ZNF365: variants seen among roughly 807,000 people sequenced by gnomAD.
ZNF365 encodes the protein zinc finger protein 365.
A neutral mutation model predicts 35.0 loss-of-function variants in ZNF365; 22 were observed. The observed-to-expected ratio is 0.63, with a 90% CI of 0.45 to 0.90. The LOEUF (loss-of-function observed/expected upper bound fraction) is 0.90, where lower values mean the gene tolerates loss of function less well. ZNF365 is among the 40% of genes least tolerant of loss of function. The probability of loss-of-function intolerance (pLI) is 0.00; values close to 1 mark genes in which losing one functional copy is unlikely to be tolerated. For missense variants in ZNF365, 448 were observed against 500.3 expected (o/e 0.90, Z 1.00); for synonymous variants, 188 against 196.2 (o/e 0.96, Z 0.35).
intron 4 of ZNF365, among the ~76,000 whole-genome samples, chr10:62,460,707 G>A (rs1450544327): frequency 2.6e-5 from 4 of 152,202 alleles, no homozygotes; most frequent in African/African-American, 9.7e-5. Context: ...TAATTCTGAT[G>A]TGGTGTTGGG....
intron 4 of ZNF365, among the ~76,000 whole-genome samples, chr10:62,463,532 G>A (rs1300048189): frequency 2.7e-4 from 41 of 152,240 alleles, no homozygotes. Context: ...TTTGGTACAT[G>A]ACAGGATGCA....
intron 4 of ZNF365, among the ~76,000 whole-genome samples, chr10:62,474,945 C>T (rs1467189832): frequency 6.6e-6 from 1 of 152,202 alleles, no homozygotes; most frequent in Non-Finnish European, 1.5e-5. Context: ...GTCTCAATTT[C>T]CAACCCTACT....
Position 62,400,298 on chromosome 10 carries a change from C to G in ZNF365, c.*509C>G. 2.0e-6 allele frequency: 2 copies of G among 986,770 alleles called. No individual in the cohort carries two copies. Among genetic ancestry groups the G allele is most frequent in the Non-Finnish European group, 2.4e-6 (2 of 830,520 alleles). 61.1% of individuals were successfully genotyped at this position (986,770 alleles called of 1,614,324 possible). The stretch of plus-strand genomic sequence containing the variant: ...TTTGAAAGCCTCCAAAATAAGGATT[C>G]CCATTCCCCGAGTATTCTGGTTAAT... On this transcript the variant is annotated 3_prime_UTR_variant, in exon 5 of 5. Transcript: ENST00000395254.
chr10:62,466,925 C>A (rs1840953649), intron 4 of ZNF365, among the ~76,000 whole-genome samples: 1 of 152,108 alleles, frequency 6.6e-6, no homozygotes, highest in South Asian at 2.1e-4. Flanking sequence ...TCTCAGCCCC[C>A]TGAGTATCTG....
intron 3 of ZNF365, among the ~76,000 whole-genome samples, chr10:62,424,089 A>G (rs896140827): frequency 6.6e-6 from 1 of 152,202 alleles, no homozygotes; most frequent in Non-Finnish European, 1.5e-5. Flanking sequence ...ATAACAGACT[A>G]TAGCAAATAT....
chr10:62,391,643 G>T (rs1299527780), intron 3 of ZNF365, among the ~76,000 whole-genome samples: 3 of 152,176 alleles, frequency 2.0e-5, no homozygotes, highest in East Asian at 3.8e-4. Flanking sequence ...TCCACTCGTT[G>T]ATTAATGGGC....
intron 3 of ZNF365, among the ~76,000 whole-genome samples, chr10:62,436,042 T>C (rs1377155296): frequency 1.3e-5 from 2 of 152,222 alleles, no homozygotes; most frequent in African/African-American, 4.8e-5. Context: ...TTGGTTTTTT[T>C]TGTAATACCG....
At chr10:62,427,904 C>T (rs951792539) in intron 3 of ZNF365, among the ~76,000 whole-genome samples, 1 of 152,046 alleles carries the variant, frequency 6.6e-6, no homozygotes, top group Non-Finnish European at 1.5e-5. Flanking sequence ...TTCTGAGTTG[C>T]CAAGAAATTA....
chr10:62,474,475 G>A (rs764623507), intron 4 of ZNF365, among the ~76,000 whole-genome samples: 3 of 152,162 alleles, frequency 2.0e-5, no homozygotes, highest in Non-Finnish European at 4.4e-5. Flanking sequence ...GCCATTTCGT[G>A]TGTGTGTGTT....
chr10:62,473,387 C>T (rs1841076290), intron 4 of ZNF365, among the ~76,000 whole-genome samples: 1 of 152,110 alleles, frequency 6.6e-6, no homozygotes, highest in African/African-American at 2.4e-5. Context: ...TTCTCCTTTG[C>T]TGTTCTTATA....
chr10:62,445,272 G>A (rs1019863168), intron 3 of ZNF365, among the ~76,000 whole-genome samples: 1 of 151,090 alleles, frequency 6.6e-6, no homozygotes, highest in Non-Finnish European at 1.5e-5. Flanking sequence ...ATGATTTATA[G>A]TCCTTTGGGT....
At chr10:62,467,171 A>G (rs1564601203) in intron 4 of ZNF365, among the ~76,000 whole-genome samples, 1 of 152,244 alleles carries the variant, frequency 6.6e-6, no homozygotes, top group Non-Finnish European at 1.5e-5. Flanking sequence ...ATTTTTTTAA[A>G]ATCCAAAGAG....
intron 4 of ZNF365, among the ~76,000 whole-genome samples, chr10:62,475,378 T>C (rs1406953231): frequency 6.6e-6 from 1 of 152,194 alleles, no homozygotes; most frequent in Non-Finnish European, 1.5e-5. Context: ...ACCATGATTG[T>C]GCCTATAAAT....
At chr10:62,388,648 A>G (rs1000227635) in intron 3 of ZNF365, 72 bp downstream of exon 3, 8 of 1,557,604 alleles carry the variant, frequency 5.1e-6, no homozygotes, top group Non-Finnish European at 7.0e-6. Context: ...GGACAGAGAA[A>G]AGGGAGCTGG....
At chr10:62,467,893 C>A (rs1589471156) in intron 4 of ZNF365, among the ~76,000 whole-genome samples, 1 of 152,130 alleles carries the variant, frequency 6.6e-6, no homozygotes. Context: ...GGCTCTGTGA[C>A]AAAACTTTCT....
chr10:62,475,647 GC>G, intron 4 of ZNF365, among the ~76,000 whole-genome samples: 1 of 152,140 alleles, frequency 6.6e-6, no homozygotes, highest in East Asian at 1.9e-4. Flanking sequence ...CAGATCCGTG[GC>G]ATAGAGCCCC....
In ZNF365 at chr10:62,400,746, G is replaced by T; in HGVS notation, c.*957G>T. On this transcript the variant is annotated 3_prime_UTR_variant, in exon 5 of 5. Coordinates refer to ENST00000395254, the MANE Select transcript of ZNF365 (RefSeq NM_014951.3). Reference sequence around the variant, plus strand: ...AGTGGCCCTCTCTCTCTCTGCTATGGGCATGACTTTCTCTTCGCTGGCTTA... The same window carrying T: ...AGTGGCCCTCTCTCTCTCTGCTATGTGCATGACTTTCTCTTCGCTGGCTTA... The T allele has an allele frequency of 1.0e-6, 1 of 985,606 alleles. No homozygotes were observed. The highest frequency in any genetic ancestry group is 1.2e-6 in the Non-Finnish European group (1 of 830,054). The allele number at this position is 985,606 out of a possible 1,614,324, so 61.1% of individuals were successfully genotyped here.
intron 3 of ZNF365, among the ~76,000 whole-genome samples, chr10:62,456,825 C>T (rs1488776392): frequency 6.8e-6 from 1 of 147,596 alleles, no homozygotes. Flanking sequence ...AGTTAAAACA[C>T]ACACACGTGC....
chr10:62,457,813 T>C (rs1473698092), intron 3 of ZNF365, among the ~76,000 whole-genome samples: 1 of 152,194 alleles, frequency 6.6e-6, no homozygotes, highest in Non-Finnish European at 1.5e-5. Flanking sequence ...AGTAAGCATA[T>C]CTGAGGTTGG....
Sources: gnomAD v4.1 joint callset for allele counts (sites outside exome capture counted in the v4.1 genomes callset) on GRCh38, gnomAD v4.1.1 for gene constraint, MANE v1.5 for transcripts, NCBI Gene and HGNC (gene_info 2026-07-23, HGNC 2026-07-21) for gene names.